The following COMMD1 variants were observed in gnomAD, a reference collection of about 807,000 sequenced individuals.
COMMD1 encodes the protein copper metabolism domain containing 1.
Under a neutral mutation model 17.2 loss-of-function variants are expected in COMMD1, and 10 were observed. The ratio of observed to expected loss-of-function variants is 0.58; its 90% CI spans 0.36 to 0.99. The LOEUF is 0.99. Ranked by LOEUF, COMMD1 falls within the 50% of genes least tolerant of loss-of-function variation. The probability of loss-of-function intolerance (pLI) is 0.01; values close to 1 mark genes in which losing one functional copy is unlikely to be tolerated. For missense variants in COMMD1, 270 were observed against 231.8 expected, an observed-to-expected ratio of 1.17 and a Z score of -1.07; for synonymous variants, 97 against 91.6, an observed-to-expected ratio of 1.06 and a Z score of -0.34.
chr2:62,042,192 C>A (rs764818656), intron 2 of COMMD1, among the ~76,000 whole-genome samples: 8 of 152,166 alleles, frequency 5.3e-5, no homozygotes, highest in Non-Finnish European at 1.2e-4. Context: ...ACTTACAATC[C>A]CTTAGCTAGA....
At chr2:62,024,642 C>T (rs1412630150) in intron 2 of COMMD1, among the ~76,000 whole-genome samples, 2 of 152,160 alleles carry the variant, frequency 1.3e-5, no homozygotes, top group East Asian at 3.9e-4. Flanking sequence ...TAAGAGTGTT[C>T]TTTGTTTATA....
chr2:62,028,976 A>G (rs561596171), intron 2 of COMMD1, among the ~76,000 whole-genome samples: 47 of 152,262 alleles, frequency 3.1e-4, no homozygotes, highest in African/African-American at 1.1e-3. Flanking sequence ...TTCACCATCA[A>G]TTTATGAGAT....
Position 62,001,011 on chromosome 2 carries a change from T to G in COMMD1, c.462+29T>G, listed in dbSNP as rs775849093. 8.1e-6 allele frequency: 13 copies of G among 1,600,490 alleles called. 1 individual carries two copies. In the South Asian group the frequency reaches 1.3e-4, roughly 16 times the overall value. Reference sequence around the variant, plus strand: ...AGTTAAACTTAAGTCAATTTTCCTTTGTAAACTGTATTTTTCACTACATGT... The same window carrying G: ...AGTTAAACTTAAGTCAATTTTCCTTGGTAAACTGTATTTTTCACTACATGT... On this transcript the variant is annotated intron_variant, in intron 2 of 2. Transcript: ENST00000311832.
intron 1 of COMMD1, among the ~76,000 whole-genome samples, chr2:61,919,843 C>G (rs1670142764): frequency 2.6e-5 from 4 of 152,232 alleles, no homozygotes; most frequent in Middle Eastern, 3.4e-3. Context: ...AGGTCTAGTA[C>G]AGACTGGGTG....
intron 2 of COMMD1, among the ~76,000 whole-genome samples, chr2:62,058,509 C>G (rs1021909330): frequency 1.3e-5 from 2 of 152,086 alleles, no homozygotes; most frequent in African/African-American, 4.8e-5. Flanking sequence ...GGCATGGTGG[C>G]TTATACCTGT....
intron 2 of COMMD1, among the ~76,000 whole-genome samples, chr2:62,081,333 C>T (rs1373199279): frequency 6.6e-6 from 1 of 151,196 alleles, no homozygotes; most frequent in African/African-American, 2.4e-5. Flanking sequence ...CTCACTGCAA[C>T]CTCCGCCTCC....
chr2:62,062,716 A>G (rs1264018910), intron 2 of COMMD1, among the ~76,000 whole-genome samples: 1 of 152,196 alleles, frequency 6.6e-6, no homozygotes, highest in African/African-American at 2.4e-5. Context: ...CTTAAGATTT[A>G]TCAGTATCTC....
chr2:62,081,575 T>A (rs1186753474), intron 2 of COMMD1, among the ~76,000 whole-genome samples: 2 of 152,080 alleles, frequency 1.3e-5, no homozygotes, highest in African/African-American at 2.4e-5. Context: ...TTTTAAATGA[T>A]ATCCCTTGTT....
chr2:61,952,468 C>T (rs538782591), intron 1 of COMMD1, among the ~76,000 whole-genome samples: 2 of 152,130 alleles, frequency 1.3e-5, no homozygotes, highest in South Asian at 2.1e-4. Flanking sequence ...TTCTGGCAAC[C>T]GACTGATCCC....
Position 62,126,944 on chromosome 2 carries a change from G to T in COMMD1, c.463-8887G>T, listed in dbSNP as rs144329409. 4.0e-3 allele frequency among the ~76,000 whole-genome samples: 616 copies of T among 152,296 alleles called. 3 individuals are homozygous for T. Among genetic ancestry groups the T allele is most frequent in the African/African-American group, 0.014 (584 of 41,568 alleles). On this transcript the variant is annotated intron_variant, in intron 2 of 2. Transcript: ENST00000311832. ...GAAGAGAGGAAGTCAAATTGTCTTT[G>T]TTTGCAGATGACATGATCCTATATC...
intron 1 of COMMD1, among the ~76,000 whole-genome samples, chr2:61,934,368 A>T (rs1463105024): frequency 2.0e-5 from 3 of 152,170 alleles, no homozygotes; most frequent in Non-Finnish European, 2.9e-5. Context: ...TTGAATGCTC[A>T]TCTAGAGTAT....
At chr2:61,907,454 G>A (rs1669801533) in intron 1 of COMMD1, among the ~76,000 whole-genome samples, 1 of 152,158 alleles carries the variant, frequency 6.6e-6, no homozygotes, top group Non-Finnish European at 1.5e-5. Flanking sequence ...GTCCAAGAGA[G>A]TTTCCTAGAA....
intron 2 of COMMD1, among the ~76,000 whole-genome samples, chr2:62,071,212 T>C (rs1339087813): frequency 2.0e-5 from 3 of 152,208 alleles, no homozygotes; most frequent in Admixed American, 6.5e-5. Context: ...TTTTATACCA[T>C]AGATGGTAAT....
At chr2:61,979,250 G>A (rs1376208689) in intron 1 of COMMD1, among the ~76,000 whole-genome samples, 2 of 152,146 alleles carry the variant, frequency 1.3e-5, no homozygotes, top group Admixed American at 6.5e-5. Context: ...AGGCTGAGGC[G>A]GGTGGATCAC....
At chr2:61,978,072 G>A (rs1671853923) in intron 1 of COMMD1, among the ~76,000 whole-genome samples, 1 of 151,748 alleles carries the variant, frequency 6.6e-6, no homozygotes, top group African/African-American at 2.4e-5. Context: ...GACGCAGGAG[G>A]ATCACTTGAG....
chr2:62,022,407 A>C (rs1233674895), intron 2 of COMMD1, among the ~76,000 whole-genome samples: 3 of 144,004 alleles, frequency 2.1e-5, no homozygotes, highest in Non-Finnish European at 3.0e-5. Context: ...TATAAGTTAG[A>C]TATTTTAGCA....
intron 1 of COMMD1, among the ~76,000 whole-genome samples, chr2:61,937,830 GGTAT>G (rs561482229): frequency 0.11 from 16,879 of 152,066 alleles, 2,149 homozygotes; most frequent in African/African-American, 0.31. Context: ...TTTGTCACAA[GGTAT>G]CATTATTCCT....
At chr2:61,953,499 G>T (rs2103673731) in intron 1 of COMMD1, among the ~76,000 whole-genome samples, 1 of 151,744 alleles carries the variant, frequency 6.6e-6, no homozygotes, top group South Asian at 2.1e-4. Flanking sequence ...CTCACGAGTA[G>T]CTGGGACTAC....
At chr2:61,901,147 A>G (rs1669647915), upstream of COMMD1, among the ~76,000 whole-genome samples, 1 of 151,854 alleles carries the variant, frequency 6.6e-6, no homozygotes, top group East Asian at 2.0e-4. Flanking sequence ...GGGTTTCACC[A>G]TGTTGGCCAT....
Sources: gnomAD v4.1 joint callset for allele counts (sites outside exome capture counted in the v4.1 genomes callset) on GRCh38, gnomAD v4.1.1 for gene constraint, MANE v1.5 for transcripts, NCBI Gene and HGNC (gene_info 2026-07-23, HGNC 2026-07-21) for gene names.